The following NCKAP5 variants were observed in gnomAD, a reference collection of about 807,000 sequenced individuals.
NCKAP5 encodes NCK associated protein 5, also known as nck-associated protein 5.
NCKAP5 carries 92 observed loss-of-function variants against 167.0 expected under a neutral mutation model. The ratio of observed to expected loss-of-function variants is 0.55; its 90% CI spans 0.47 to 0.66. The LOEUF is 0.66. NCKAP5 is among the 30% of genes least tolerant of loss of function. NCKAP5 has a pLI of 0.00. For synonymous variants in NCKAP5, 891 were observed against 877.4 expected, an observed-to-expected ratio of 1.02 and a Z score of -0.27; for missense variants, 2,378 against 2,315.0, an observed-to-expected ratio of 1.03 and a Z score of -0.56.
intron 3 of NCKAP5, among the ~76,000 whole-genome samples, chr2:133,329,669 T>C (rs923053190): frequency 5.3e-5 from 8 of 152,182 alleles, no homozygotes; most frequent in African/African-American, 1.9e-4. Flanking sequence ...TCATGACACA[T>C]TGAAATAATA....
At chr2:133,540,551 TGAGA>T (rs1437630637) in intron 2 of NCKAP5, among the ~76,000 whole-genome samples, 1 of 152,008 alleles carries the variant, frequency 6.6e-6, no homozygotes, top group Non-Finnish European at 1.5e-5. Flanking sequence ...TAGCAAAAAA[TGAGA>T]GAGAAGGAGT....
intron 8 of NCKAP5, among the ~76,000 whole-genome samples, chr2:132,949,814 C>A (rs2076129052): frequency 6.6e-6 from 1 of 152,208 alleles, no homozygotes; most frequent in Non-Finnish European, 1.5e-5. Context: ...AACGTTTAGG[C>A]TGGGCGCAGT....
intron 3 of NCKAP5, among the ~76,000 whole-genome samples, chr2:133,465,471 G>A (rs1227960374): frequency 2.0e-5 from 3 of 151,958 alleles, no homozygotes; most frequent in Admixed American, 6.6e-5. Flanking sequence ...ATAAACACAC[G>A]TGTGCATGTG....
chr2:133,338,860 A>AAAAACC (rs1683389499), intron 3 of NCKAP5, among the ~76,000 whole-genome samples: 1 of 152,002 alleles, frequency 6.6e-6, no homozygotes, highest in African/African-American at 2.4e-5. Flanking sequence ...AAACAAAAAC[A>AAAAACC]AAAACAAAAA....
intron 19 of NCKAP5, among the ~76,000 whole-genome samples, chr2:132,688,890 G>T (rs1686329625): frequency 1.3e-5 from 2 of 150,766 alleles, no homozygotes; most frequent in East Asian, 3.9e-4. Flanking sequence ...GGAGGCAGAG[G>T]TGGGAGGATT....
chr2:133,436,675 C>A (rs1163530242), intron 3 of NCKAP5, among the ~76,000 whole-genome samples: 1 of 152,154 alleles, frequency 6.6e-6, no homozygotes, highest in African/African-American at 2.4e-5. Context: ...CTCTACTCAT[C>A]CTGAGAGACT....
At chr2:133,167,571 G>A (rs887516353) in intron 5 of NCKAP5, among the ~76,000 whole-genome samples, 67 of 152,116 alleles carry the variant, frequency 4.4e-4, no homozygotes, top group African/African-American at 1.6e-3. Context: ...CCTGCTTGAA[G>A]TAGTATATAA....
chr2:133,566,947 A>G (rs1688594728), intron 1 of NCKAP5, among the ~76,000 whole-genome samples: 1 of 152,218 alleles, frequency 6.6e-6, no homozygotes, highest in South Asian at 2.1e-4. Flanking sequence ...GACTCCCTGG[A>G]AAACAGTCAA....
At chr2:133,162,759 C>A (rs1438670985) in intron 5 of NCKAP5, among the ~76,000 whole-genome samples, 5 of 151,960 alleles carry the variant, frequency 3.3e-5, no homozygotes, top group African/African-American at 1.2e-4. Context: ...TATAAGAAGA[C>A]AATTCAGGAA....
chr2:133,255,488 G>C (rs964106623), intron 4 of NCKAP5, among the ~76,000 whole-genome samples: 1 of 151,870 alleles, frequency 6.6e-6, no homozygotes, highest in African/African-American at 2.4e-5. Context: ...TAGTTTCCTT[G>C]GGGGGAGGGG....
intron 9 of NCKAP5, among the ~76,000 whole-genome samples, chr2:132,870,627 G>A (rs936616317): frequency 2.0e-5 from 3 of 151,808 alleles, no homozygotes; most frequent in African/African-American, 7.3e-5. Flanking sequence ...AATTCTTACA[G>A]TCAACGGGAG....
At chr2:133,164,637 G>C (rs2083928775) in intron 5 of NCKAP5, among the ~76,000 whole-genome samples, 1 of 152,106 alleles carries the variant, frequency 6.6e-6, no homozygotes, top group African/African-American at 2.4e-5. Context: ...TCCAAATCAA[G>C]TCCAAGTTCT....
At chr2:132,759,385 T>C (rs1680813994) in intron 16 of NCKAP5, among the ~76,000 whole-genome samples, 1 of 152,164 alleles carries the variant, frequency 6.6e-6, no homozygotes, top group African/African-American at 2.4e-5. Flanking sequence ...TAGACTACTA[T>C]CCACAGTAAT....
chr2:133,396,061 T>C (rs1051114895), intron 3 of NCKAP5, among the ~76,000 whole-genome samples: 3 of 151,988 alleles, frequency 2.0e-5, no homozygotes, highest in African/African-American at 7.2e-5. Flanking sequence ...ACAGAGAAAC[T>C]CAATCACCAA....
chr2:132,791,861 C>G (rs974000047), intron 12 of NCKAP5, among the ~76,000 whole-genome samples: 3 of 152,166 alleles, frequency 2.0e-5, no homozygotes, highest in African/African-American at 7.2e-5. Flanking sequence ...TAATCAATAC[C>G]TATAATGCTC....
At chr2:133,518,895 G>T (rs899990151) in intron 2 of NCKAP5, among the ~76,000 whole-genome samples, 1 of 152,186 alleles carries the variant, frequency 6.6e-6, no homozygotes, top group Non-Finnish European at 1.5e-5. Flanking sequence ...GATTCAGAAG[G>T]TGCTTTGAGA....
chr2:132,806,612 G>A (rs1685460875), intron 11 of NCKAP5, among the ~76,000 whole-genome samples: 1 of 151,816 alleles, frequency 6.6e-6, no homozygotes, highest in Non-Finnish European at 1.5e-5. Flanking sequence ...CTTTTTGATG[G>A]GATTGTTTGT....
intron 19 of NCKAP5, among the ~76,000 whole-genome samples, chr2:132,712,478 C>T (rs945593634): frequency 1.9e-4 from 29 of 151,994 alleles, no homozygotes; most frequent in African/African-American, 7.0e-4. Context: ...AGTGAAACCC[C>T]GTCTTTACTA....
chr2:132,774,539 A>T (rs1276106265), intron 15 of NCKAP5, among the ~76,000 whole-genome samples: 1 of 152,028 alleles, frequency 6.6e-6, no homozygotes, highest in Non-Finnish European at 1.5e-5. Context: ...CAGGCACTAG[A>T]TTGGGCAGCA....
Sources: gnomAD v4.1 joint callset for allele counts (sites outside exome capture counted in the v4.1 genomes callset) on GRCh38, gnomAD v4.1.1 for gene constraint, MANE v1.5 for transcripts, NCBI Gene and HGNC (gene_info 2026-07-23, HGNC 2026-07-21) for gene names.